Variants in BTBD9 observed in about 807,000 individuals in gnomAD.
The protein encoded by BTBD9 is BTB domain containing 9.
In BTBD9, 49 loss-of-function variants were observed where a neutral mutation model predicts 64.3. That is an observed-to-expected ratio of 0.76 (90% CI 0.61 to 0.97). The LOEUF (loss-of-function observed/expected upper bound fraction) is 0.97, where lower values mean the gene tolerates loss of function less well. Ranked by LOEUF, BTBD9 falls within the 50% of genes least tolerant of loss-of-function variation. The pLI is 0.00. For missense variants in BTBD9, 598 were observed against 762.1 expected (o/e 0.78, Z 2.53); for synonymous variants, 260 against 274.7 (o/e 0.95, Z 0.53).
intron 7 of BTBD9, among the ~76,000 whole-genome samples, chr6:38,327,961 T>G (rs986805840): frequency 6.6e-6 from 1 of 152,126 alleles, no homozygotes; most frequent in Admixed American, 6.5e-5. Context: ...GCGCGTGGAG[T>G]GCTGAGGCGC....
At chr6:38,495,454 A>G (rs748996741) in intron 6 of BTBD9, among the ~76,000 whole-genome samples, 35 of 152,256 alleles carry the variant, frequency 2.3e-4, no homozygotes, top group Non-Finnish European at 4.6e-4. Context: ...GGGTGAATCA[A>G]TAAAACCCAC....
intron 7 of BTBD9, among the ~76,000 whole-genome samples, chr6:38,338,982 G>A (rs780031113): frequency 2.9e-4 from 44 of 152,148 alleles, no homozygotes; most frequent in Admixed American, 1.1e-3. Flanking sequence ...GCAAGGCTGT[G>A]GGGAAACAGT....
At chr6:38,568,821 G>A (rs148388313) in intron 6 of BTBD9, among the ~76,000 whole-genome samples, 7 of 152,292 alleles carry the variant, frequency 4.6e-5, no homozygotes, top group African/African-American at 1.7e-4. Flanking sequence ...ACTGTTTTCT[G>A]TGACAACGTA....
At chr6:38,549,974 G>A (rs896430455) in intron 6 of BTBD9, among the ~76,000 whole-genome samples, 3 of 152,032 alleles carry the variant, frequency 2.0e-5, no homozygotes, top group African/African-American at 4.8e-5. Flanking sequence ...AACTATCCTC[G>A]CTGAGCCACC....
At chr6:38,298,102 G>C (rs9380732) in intron 7 of BTBD9, among the ~76,000 whole-genome samples, 1 of 151,520 alleles carries the variant, frequency 6.6e-6, no homozygotes. Context: ...TGATCTGCCC[G>C]CCTCGGCCTC....
In BTBD9 at chr6:38,255,578, A is replaced by G. The variant is rs138837179; in HGVS notation, c.1562+831T>C. On this transcript the variant is annotated intron_variant, in intron 9 of 10. Transcript: ENST00000481247. ...CAGAACCCACAGACTCCTTCCTCCT[A>G]TCTTCTGCTGCAAGCAGACAAGTCT... 1.4e-3 allele frequency among the ~76,000 whole-genome samples: 210 copies of G among 152,320 alleles called. 1 individual carries two copies. Among genetic ancestry groups the G allele is most frequent in the African/African-American group, 4.7e-3 (196 of 41,568 alleles).
At chr6:38,585,979 C>CACAT (rs57845719) in intron 4 of BTBD9, among the ~76,000 whole-genome samples, 1 of 150,166 alleles carries the variant, frequency 6.7e-6, no homozygotes, top group African/African-American at 2.5e-5. Flanking sequence ...CACACACACA[C>CACAT]GCATATTTAT....
intron 6 of BTBD9, among the ~76,000 whole-genome samples, chr6:38,465,486 C>A (rs1161173717): frequency 2.8e-5 from 4 of 142,742 alleles, no homozygotes; most frequent in Non-Finnish European, 6.1e-5. Context: ...AAAAAATTAG[C>A]CGGGCGTGGT....
At chr6:38,280,683 G>A (rs1761476600) in intron 8 of BTBD9, among the ~76,000 whole-genome samples, 1 of 152,212 alleles carries the variant, frequency 6.6e-6, no homozygotes, top group African/African-American at 2.4e-5. Context: ...AACAAGTGAG[G>A]CAAGCATTTT....
intron 4 of BTBD9, among the ~76,000 whole-genome samples, chr6:38,582,204 G>C (rs1776320489): frequency 6.6e-6 from 1 of 152,136 alleles, no homozygotes; most frequent in African/African-American, 2.4e-5. Flanking sequence ...TCCTAGTTAT[G>C]CTTAACTTCT....
intron 9 of BTBD9, 96 bp downstream of exon 9, chr6:38,256,313 A>T: frequency 1.2e-6 from 1 of 802,244 alleles, no homozygotes; most frequent in Admixed American, 2.3e-5. Context: ...ATAAGAATGT[A>T]ATTTGGCGAT....
chr6:38,519,332 G>T (rs1488706771), intron 6 of BTBD9, among the ~76,000 whole-genome samples: 1 of 152,148 alleles, frequency 6.6e-6, no homozygotes, highest in African/African-American at 2.4e-5. Context: ...AAAAGAAAAA[G>T]ATAAATAAGT....
At chr6:38,224,250 G>A (rs938086923) in intron 9 of BTBD9, among the ~76,000 whole-genome samples, 16 of 152,114 alleles carry the variant, frequency 1.1e-4, no homozygotes, top group African/African-American at 3.9e-4. Context: ...GGACAATTCA[G>A]TAATAAGATT....
chr6:38,399,812 C>T (rs1341604242), intron 6 of BTBD9, among the ~76,000 whole-genome samples: 16 of 152,012 alleles, frequency 1.1e-4, no homozygotes, highest in African/African-American at 4.8e-5. Context: ...AGTGCAACGG[C>T]GCAGTCTCAG....
intron 8 of BTBD9, among the ~76,000 whole-genome samples, chr6:38,257,094 C>T (rs1019130956): frequency 2.9e-5 from 4 of 138,748 alleles, no homozygotes; most frequent in Non-Finnish European, 6.1e-5. Flanking sequence ...GGTAGAGGCA[C>T]AGTCTCACTA....
At chr6:38,255,924 T>TG (rs929248732) in intron 9 of BTBD9, among the ~76,000 whole-genome samples, 4 of 151,490 alleles carry the variant, frequency 2.6e-5, no homozygotes, top group Non-Finnish European at 4.4e-5. Context: ...GTCGTGGGGT[T>TG]GGGGGGGTAG....
chr6:38,239,459 A>AAAAAAAAATAT (rs1554131097), intron 9 of BTBD9, among the ~76,000 whole-genome samples: 1 of 148,762 alleles, frequency 6.7e-6, no homozygotes, highest in Non-Finnish European at 1.5e-5. Flanking sequence ...AAAAAAAAAA[A>AAAAAAAAATAT]AGATATAATC....
chr6:38,366,417 C>T (rs992779486), intron 6 of BTBD9, among the ~76,000 whole-genome samples: 7 of 152,142 alleles, frequency 4.6e-5, no homozygotes, highest in Non-Finnish European at 1.0e-4. Flanking sequence ...CACTCCATTT[C>T]CCCAGCACTG....
chr6:38,520,465 C>T (rs1203175678), intron 6 of BTBD9, among the ~76,000 whole-genome samples: 1 of 151,764 alleles, frequency 6.6e-6, no homozygotes, highest in African/African-American at 2.4e-5. Flanking sequence ...CATCTCAAAA[C>T]AAAAAAACAA....
Sources: gnomAD v4.1 joint callset for allele counts (sites outside exome capture counted in the v4.1 genomes callset) on GRCh38, gnomAD v4.1.1 for gene constraint, MANE v1.5 for transcripts, NCBI Gene and HGNC (gene_info 2026-07-23, HGNC 2026-07-21) for gene names.